Variants in POLA1 observed in about 807,000 individuals in gnomAD.
POLA1 encodes the protein DNA polymerase alpha catalytic subunit.
Under a neutral mutation model 124.0 loss-of-function variants are expected in POLA1, and 15 were observed. The observed-to-expected ratio is 0.12, with a 90% CI of 0.08 to 0.19. The LOEUF (loss-of-function observed/expected upper bound fraction) is 0.19. Among genes scored for constraint, POLA1 ranks in the 10% least tolerant of loss-of-function variants. The pLI is 1.00. For synonymous variants in POLA1, 408 were observed against 389.4 expected (o/e 1.05, Z -0.56); for missense variants, 886 against 1,103.4 (o/e 0.80, Z 2.79).
At chrX:24,924,208 T>C (rs1052846024) in intron 35 of POLA1, among the ~76,000 whole-genome samples, 2 of 112,095 alleles carry the variant, frequency 1.8e-5, no homozygotes, top group Admixed American at 9.5e-5. Flanking sequence ...ACATATCCAC[T>C]GTGTACTTCG....
chrX:24,921,546 A>G (rs896955698), intron 35 of POLA1, among the ~76,000 whole-genome samples: 1 of 112,131 alleles, frequency 8.9e-6, no homozygotes, highest in African/African-American at 3.2e-5. Context: ...AGCAGCTAGA[A>G]CAGTGCCTTC....
intron 23 of POLA1, chrX:24,744,607 T>G (rs1432997537): frequency 3.0e-6 from 1 of 334,079 alleles, no homozygotes; most frequent in Non-Finnish European, 5.6e-6. Context: ...TAGCTCAGTT[T>G]TTGTACAGGT....
At chrX:24,722,535 A>C (rs1199893160) in intron 10 of POLA1, among the ~76,000 whole-genome samples, 3 of 112,519 alleles carry the variant, frequency 2.7e-5, no homozygotes, top group African/African-American at 9.7e-5. Flanking sequence ...GAAGTAAATT[A>C]TGTTTTTTGT....
chrX:24,954,796 GC>G (rs765524397), intron 36 of POLA1, among the ~76,000 whole-genome samples: 1 of 111,840 alleles, frequency 8.9e-6, no homozygotes, highest in South Asian at 3.8e-4. Context: ...TCGAGAAAGT[GC>G]CAGTACTGAG....
chrX:24,932,364 T>C (rs1395818259), intron 36 of POLA1, among the ~76,000 whole-genome samples: 8 of 112,235 alleles, frequency 7.1e-5, no homozygotes, highest in African/African-American at 2.6e-4. Flanking sequence ...CTTGGAGGCA[T>C]GTAGAGGAGT....
intron 36 of POLA1, among the ~76,000 whole-genome samples, chrX:24,936,070 G>A (rs2047844756): frequency 8.9e-6 from 1 of 112,053 alleles, no homozygotes; most frequent in Admixed American, 9.4e-5. Flanking sequence ...ACACTGCCAC[G>A]GGGTCCTGTT....
intron 35 of POLA1, among the ~76,000 whole-genome samples, chrX:24,927,826 C>A (rs1034884749): frequency 8.9e-6 from 1 of 111,914 alleles, no homozygotes; most frequent in Non-Finnish European, 1.9e-5. Context: ...AGGAAAAAAA[C>A]GCTGAAGATC....
At chrX:24,714,707 T>G in intron 5 of POLA1, 38 bp downstream of exon 5, 1 of 790,701 alleles carries the variant, frequency 1.3e-6, no homozygotes, top group Admixed American at 2.8e-5. Context: ...GTATTTTCCT[T>G]TGTGAGGTGA....
chrX:24,740,999 A>G (rs925581299), intron 20 of POLA1, among the ~76,000 whole-genome samples: 5 of 111,340 alleles, frequency 4.5e-5, no homozygotes, highest in African/African-American at 9.8e-5. Flanking sequence ...GTCACAGCCA[A>G]TGCCTGGCAT....
chrX:24,950,187 G>A (rs1417975277), intron 36 of POLA1, among the ~76,000 whole-genome samples: 1 of 112,140 alleles, frequency 8.9e-6, no homozygotes, highest in African/African-American at 3.2e-5. Context: ...ACTGCTACGT[G>A]TTGGAGCTGA....
intron 35 of POLA1, among the ~76,000 whole-genome samples, chrX:24,914,004 G>C (rs369000239): frequency 9.1e-6 from 1 of 110,121 alleles, no homozygotes; most frequent in South Asian, 4.0e-4. Context: ...CTCCAGCCTG[G>C]GTGAAAAGAA....
At chrX:24,989,626 T>C (rs1008828996) in intron 36 of POLA1, among the ~76,000 whole-genome samples, 4 of 111,121 alleles carry the variant, frequency 3.6e-5, no homozygotes, top group Non-Finnish European at 5.7e-5. Flanking sequence ...CATGACTTCA[T>C]GTGTATTAAA....
At chrX:24,938,932 T>C (rs1021667629) in intron 36 of POLA1, among the ~76,000 whole-genome samples, 1 of 112,615 alleles carries the variant, frequency 8.9e-6, no homozygotes, top group Admixed American at 9.4e-5. Context: ...TATATGAAAG[T>C]TGCCATATTT....
chrX:24,970,622 A>T (rs935776334), intron 36 of POLA1, among the ~76,000 whole-genome samples: 3 of 111,805 alleles, frequency 2.7e-5, no homozygotes, highest in African/African-American at 9.8e-5. Flanking sequence ...AAAAAAAAAA[A>T]TTAAAAAGTG....
intron 29 of POLA1, among the ~76,000 whole-genome samples, chrX:24,813,154 G>A (rs1051456992): frequency 2.7e-5 from 3 of 110,895 alleles, no homozygotes; most frequent in Non-Finnish European, 5.7e-5. Context: ...TCCTTATAGA[G>A]TTGGTTTCGT....
intron 26 of POLA1, among the ~76,000 whole-genome samples, chrX:24,756,572 A>G (rs943071886): frequency 5.4e-5 from 6 of 110,562 alleles, no homozygotes; most frequent in Non-Finnish European, 1.1e-4. Flanking sequence ...CAAAAAAAAA[A>G]AAAATTGAAA....
intron 36 of POLA1, among the ~76,000 whole-genome samples, chrX:24,954,180 A>T (rs1362497450): frequency 8.9e-6 from 1 of 112,576 alleles, no homozygotes; most frequent in Non-Finnish European, 1.9e-5. Flanking sequence ...TTTAAAATTA[A>T]ATATGCTTTT....
At position 24,727,951 on chromosome X, in the gene POLA1, A is replaced by G. The variant is rs1039454856; in HGVS notation, c.1686+15A>G. 2 of 1,187,875 alleles carry G rather than the reference A, an allele frequency of 1.7e-6. No individual in the cohort carries two copies. Among genetic ancestry groups the G allele is most frequent in the Admixed American group, 2.2e-5 (1 of 45,813 alleles). On this transcript the variant is annotated intron_variant, in intron 15 of 36. Coordinates refer to ENST00000379068, the MANE Select transcript of POLA1 (RefSeq NM_001330360.2). ...ATCAAAATGAGGTTTAAAAAATAGG[A>G]CAGATTTTGTACCCATGCCTTAGAT...
intron 35 of POLA1, among the ~76,000 whole-genome samples, chrX:24,928,327 G>A (rs1267215680): frequency 1.8e-5 from 2 of 111,793 alleles, no homozygotes; most frequent in African/African-American, 6.5e-5. Context: ...AAAGGTTGTT[G>A]TATATCCATT....
Sources: allele counts gnomAD v4.1 joint callset (sites outside exome capture counted in the v4.1 genomes callset), GRCh38; gene constraint gnomAD v4.1.1; transcripts MANE v1.5; gene names NCBI Gene and HGNC (gene_info 2026-07-23, HGNC 2026-07-21).